The following SULT1B1 variants were observed in gnomAD, a reference collection of about 807,000 sequenced individuals.
SULT1B1 encodes sulfotransferase 1B1.
A neutral mutation model predicts 34.6 loss-of-function variants in SULT1B1; 28 were observed. The observed-to-expected ratio is 0.81, with a 90% CI of 0.60 to 1.11. SULT1B1 has a LOEUF of 1.11. Among genes scored for constraint, SULT1B1 ranks in the 50% least tolerant of loss-of-function variants. SULT1B1 has a pLI of 0.00. For missense variants in SULT1B1, 374 were observed against 352.2 expected (o/e 1.06, Z -0.50); for synonymous variants, 147 against 110.2 (o/e 1.33, Z -2.09).
At chr4:69,756,320 ACTT>A (rs1201579807) in intron 1 of SULT1B1, among the ~76,000 whole-genome samples, 1 of 151,958 alleles carries the variant, frequency 6.6e-6, no homozygotes, top group Admixed American at 6.6e-5. Context: ...GTTCCTGTTA[ACTT>A]CTTCTTGATT....
At position 69,724,731 on chromosome 4, in the gene SULT1B1, T is replaced by C. The variant is rs1429999131; in HGVS notation, c.*2357A>G. The stretch of plus-strand genomic sequence containing the variant: ...AAATAATACTACACATCTACAATTA[T>C]CTGATCTTTGACAAACCTGACGAAA... On this transcript the variant is annotated 3_prime_UTR_variant, in exon 8 of 8. Transcript: ENST00000310613. 6.6e-6 allele frequency: 1 copy of C among 152,232 alleles called. No individual in the cohort carries two copies. Among genetic ancestry groups the C allele is most frequent in the Admixed American group, 6.5e-5 (1 of 15,272 alleles). The allele number at this position is 152,232 out of a possible 1,614,324, so 9.4% of individuals were successfully genotyped here.
At chr4:69,733,545 T>A (rs756882290) in intron 5 of SULT1B1, 38 bp from the exon 6 acceptor site, 5 of 1,411,440 alleles carry the variant, frequency 3.5e-6, no homozygotes, top group Non-Finnish European at 4.9e-6. Context: ...TAAACATTCA[T>A]CAAATTAAAT....
At chr4:69,758,662 T>C (rs1719282068) in intron 1 of SULT1B1, among the ~76,000 whole-genome samples, 2 of 152,194 alleles carry the variant, frequency 1.3e-5, no homozygotes, top group Admixed American at 6.5e-5. Context: ...TGAATGAATA[T>C]TGAGGGAGCT....
intron 7 of SULT1B1, among the ~76,000 whole-genome samples, chr4:69,728,320 A>G (rs1717919196): frequency 6.6e-6 from 1 of 152,074 alleles, no homozygotes; most frequent in Non-Finnish European, 1.5e-5. Flanking sequence ...AGGTTTTTCT[A>G]TTTGTTATAA....
chr4:69,756,002 G>C (rs1022861651), intron 1 of SULT1B1, among the ~76,000 whole-genome samples: 16 of 151,940 alleles, frequency 1.1e-4, no homozygotes, highest in Non-Finnish European at 2.4e-4. Context: ...TTTCATTTGG[G>C]ATATTCTCTA....
chr4:69,760,123 G>T (rs1392178954), intron 1 of SULT1B1: 1 of 369,160 alleles, frequency 2.7e-6, no homozygotes, highest in Non-Finnish European at 3.7e-6. Context: ...ATGTGTGCAT[G>T]AATGCATGTG....
chr4:69,730,624 C>T lies in SULT1B1; in HGVS notation c.655G>A (p.Glu219Lys). 1 of 1,613,210 alleles carries T rather than the reference C, an allele frequency of 6.2e-7. No homozygotes were observed. Among genetic ancestry groups the T allele is most frequent in the Non-Finnish European group, 8.5e-7 (1 of 1,179,684 alleles). ...TGATGGATGATCCTATCCAAGATCT[C>T]ATCATTCAGGTTCTTCTCTAGAAAT... The part of the protein sequence containing the change: ...IRFLEKNLND[E>K]ILDRIIHHTS... Residue 219 changes from glutamate to lysine, a missense_variant, in exon 7 of 8, where the codon GAG becomes AAG. Transcript: ENST00000310613.
intron 4 of SULT1B1, among the ~76,000 whole-genome samples, chr4:69,748,681 A>G (rs780897751): frequency 3.9e-5 from 6 of 152,208 alleles, no homozygotes; most frequent in Non-Finnish European, 8.8e-5. Flanking sequence ...AAAACGGAAT[A>G]AAATTAGAAA....
chr4:69,726,394 A>G lies in SULT1B1; in HGVS notation c.*694T>C, dbSNP rs1428114069. ...GTTGGGAAAAAGAGGACTCCCCATA[A>G]GAAGTAGGTCACAGCCCTCAGGGCT... On this transcript the variant is annotated 3_prime_UTR_variant, in exon 8 of 8. Coordinates refer to ENST00000310613, the MANE Select transcript of SULT1B1 (RefSeq NM_014465.4). 6.6e-6 allele frequency: 1 copy of G among 151,910 alleles called. No individual in the cohort carries two copies. The highest frequency in any genetic ancestry group is 1.9e-4 in the East Asian group (1 of 5,154). 9.4% of individuals were successfully genotyped at this position (151,910 alleles called of 1,614,324 possible). A position where few individuals can be genotyped will look rare whatever the true frequency, so the allele number is the denominator to read the frequency against.
Position 69,721,944 on chromosome 4 carries a change from A to G in SULT1B1, c.*5144T>C, listed in dbSNP as rs1030695475. ...TTGGAAATTGTACTGATGATTCAAC[A>G]GGAGAAATAACGATAAAAGCATTGT... On this transcript the variant is annotated 3_prime_UTR_variant, in exon 8 of 8. Coordinates refer to ENST00000310613, the MANE Select transcript of SULT1B1 (RefSeq NM_014465.4). The G allele has an allele frequency of 3.3e-5, 5 of 152,110 alleles. No individual in the cohort carries two copies. Among genetic ancestry groups the G allele is most frequent in the Admixed American group, 1.3e-4 (2 of 15,234 alleles). The allele number at this position is 152,110 out of a possible 1,614,324, so 9.4% of individuals were successfully genotyped here.
At chr4:69,736,365 G>A (rs1718309804) in intron 4 of SULT1B1, among the ~76,000 whole-genome samples, 1 of 152,206 alleles carries the variant, frequency 6.6e-6, no homozygotes. Flanking sequence ...AGACATACAA[G>A]ACTAAGGGAC....
chr4:69,743,820 G>A (rs1718646402), intron 4 of SULT1B1, among the ~76,000 whole-genome samples: 1 of 152,204 alleles, frequency 6.6e-6, no homozygotes, highest in Admixed American at 6.5e-5. Flanking sequence ...CCGCGAGCGG[G>A]TAGTGGCCAG....
intron 4 of SULT1B1, among the ~76,000 whole-genome samples, chr4:69,746,159 G>A (rs974962145): frequency 5.9e-5 from 9 of 152,158 alleles, no homozygotes; most frequent in Admixed American, 2.6e-4. Context: ...CATTGACCTC[G>A]GCGATCCTCT....
chr4:69,745,070 C>A (rs1604743), intron 4 of SULT1B1, among the ~76,000 whole-genome samples: 42,413 of 152,010 alleles, frequency 0.28, 7,448 homozygotes, highest in South Asian at 0.45. Context: ...ATTTATATTT[C>A]TATTATGCTG....
At chr4:69,744,123 C>A (rs1441970837) in intron 4 of SULT1B1, among the ~76,000 whole-genome samples, 2 of 152,280 alleles carry the variant, frequency 1.3e-5, no homozygotes, top group African/African-American at 4.8e-5. Context: ...GCCTTGGAAC[C>A]CCTCTATGCC....
Position 69,760,564 on chromosome 4 carries a change from G to A in SULT1B1, c.-150C>T, listed in dbSNP as rs1473893145. 6.6e-6 allele frequency: 1 copy of A among 152,062 alleles called. No homozygotes were observed. Among genetic ancestry groups the A allele is most frequent in the African/African-American group, 2.4e-5 (1 of 41,366 alleles). 9.4% of individuals were successfully genotyped at this position (152,062 alleles called of 1,614,324 possible). A position where few individuals can be genotyped will look rare whatever the true frequency, so the allele number is the denominator to read the frequency against. On this transcript the variant is annotated 5_prime_UTR_variant, in exon 1 of 8. Coordinates refer to ENST00000310613, the MANE Select transcript of SULT1B1 (RefSeq NM_014465.4). Reference sequence around the variant, plus strand: ...TTCTGGCAGGCAATGGGGAGCACAGGAAGGCTCCTGGCACCAGAAAAAAAA... The same window carrying A: ...TTCTGGCAGGCAATGGGGAGCACAGAAAGGCTCCTGGCACCAGAAAAAAAA...
At chr4:69,732,710 A>C (rs1718130362) in intron 6 of SULT1B1, among the ~76,000 whole-genome samples, 1 of 150,896 alleles carries the variant, frequency 6.6e-6, no homozygotes, top group Admixed American at 6.7e-5. Flanking sequence ...TTGTAGTTGT[A>C]TTTAATTAAT....
chr4:69,746,581 A>G (rs1461995196), intron 4 of SULT1B1, among the ~76,000 whole-genome samples: 3 of 152,108 alleles, frequency 2.0e-5, no homozygotes, highest in East Asian at 1.9e-4. Flanking sequence ...CAACGTGTCT[A>G]TGTTTTCTTT....
At chr4:69,750,970 G>A (rs1400177458) in intron 3 of SULT1B1, among the ~76,000 whole-genome samples, 1 of 152,210 alleles carries the variant, frequency 6.6e-6, no homozygotes, top group African/African-American at 2.4e-5. Flanking sequence ...TGAATTATCA[G>A]ATAAATAGGT....
Sources: allele counts gnomAD v4.1 joint callset (sites outside exome capture counted in the v4.1 genomes callset), GRCh38; gene constraint gnomAD v4.1.1; transcripts MANE v1.5; gene names NCBI Gene and HGNC (gene_info 2026-07-23, HGNC 2026-07-21).